The following NCOA7 variants were observed in gnomAD, a reference collection of about 807,000 sequenced individuals.
The protein encoded by NCOA7 is nuclear receptor coactivator 7, also known as 140 kDa estrogen receptor-associated protein.
A neutral mutation model predicts 104.3 loss-of-function variants in NCOA7; 45 were observed. That is an observed-to-expected ratio of 0.43 (90% CI 0.34 to 0.55). The LOEUF is 0.55. Ranked by LOEUF, NCOA7 falls within the 20% of genes least tolerant of loss-of-function variation. NCOA7 has a pLI of 0.02. For missense variants in NCOA7, 1,041 were observed against 1,119.7 expected, an observed-to-expected ratio of 0.93 and a Z score of 1.00; for synonymous variants, 398 against 402.3, an observed-to-expected ratio of 0.99 and a Z score of 0.13.
chr6:125,825,257 C>T (rs959021359), intron 2 of NCOA7, among the ~76,000 whole-genome samples: 5 of 151,560 alleles, frequency 3.3e-5, no homozygotes, highest in Admixed American at 6.6e-5. Flanking sequence ...AAAGATAGCT[C>T]GGGTATTGAA....
chr6:125,792,832 T>G (rs1367870414), intron 1 of NCOA7, among the ~76,000 whole-genome samples: 1 of 152,208 alleles, frequency 6.6e-6, no homozygotes, highest in Non-Finnish European at 1.5e-5. Flanking sequence ...TGCTTTATTT[T>G]TACACTATGA....
intron 2 of NCOA7, among the ~76,000 whole-genome samples, chr6:125,852,079 T>G (rs974249193): frequency 6.6e-6 from 1 of 152,194 alleles, no homozygotes; most frequent in Non-Finnish European, 1.5e-5. Flanking sequence ...TTTGTTGTTG[T>G]TGTGCAGAAG....
intron 10 of NCOA7, among the ~76,000 whole-genome samples, chr6:125,902,820 G>A (rs1369455106): frequency 6.6e-6 from 1 of 152,138 alleles, no homozygotes. Flanking sequence ...CCCCTAAAAT[G>A]CTATGTGACC....
intron 1 of NCOA7, among the ~76,000 whole-genome samples, chr6:125,799,977 G>C (rs1775736195): frequency 6.6e-6 from 1 of 152,156 alleles, no homozygotes; most frequent in Non-Finnish European, 1.5e-5. Context: ...CAGTCTTACA[G>C]ATATTTGCCT....
chr6:125,824,879 C>T (rs1778520975), intron 2 of NCOA7, among the ~76,000 whole-genome samples: 1 of 152,138 alleles, frequency 6.6e-6, no homozygotes, highest in Non-Finnish European at 1.5e-5. Context: ...CTGCCTCAGC[C>T]TCTGGAGTAG....
intron 11 of NCOA7, among the ~76,000 whole-genome samples, chr6:125,919,735 G>A (rs1787406200): frequency 1.3e-5 from 2 of 152,070 alleles, no homozygotes; most frequent in Admixed American, 1.3e-4. Flanking sequence ...ATTCTTGATA[G>A]TGTTTTCACT....
At chr6:125,833,381 G>A (rs1779342763) in intron 2 of NCOA7, among the ~76,000 whole-genome samples, 1 of 152,096 alleles carries the variant, frequency 6.6e-6, no homozygotes, top group Non-Finnish European at 1.5e-5. Flanking sequence ...GAAGTCAGGA[G>A]TTTGAGACCA....
Position 125,821,622 on chromosome 6 carries a change from C to T in NCOA7, c.50+6218C>T, listed in dbSNP as rs1778195064. On this transcript the variant is annotated intron_variant, in intron 2 of 15. Coordinates refer to ENST00000392477, the MANE Select transcript of NCOA7 (RefSeq NM_181782.5). ...CTTTTCAAAAATAATTTGTTTATAA[C>T]TTGACAACATCCCATAATCCATGTC... 2.6e-5 allele frequency among the ~76,000 whole-genome samples: 4 copies of T among 152,274 alleles called. No individual in the cohort carries two copies. The South Asian group carries it at 8.3e-4, about 32-fold the overall frequency.
chr6:125,881,297 A>C, intron 6 of NCOA7, 94 bp downstream of exon 6: 2 of 903,008 alleles, frequency 2.2e-6, no homozygotes, highest in Non-Finnish European at 3.6e-6. Context: ...ATTACATCTG[A>C]AATTCTCCCT....
chr6:125,795,561 T>C (rs1562765641), intron 1 of NCOA7, among the ~76,000 whole-genome samples: 1 of 152,212 alleles, frequency 6.6e-6, no homozygotes, highest in Non-Finnish European at 1.5e-5. Context: ...TCTGATTCAC[T>C]CTGTTCTATT....
At position 125,928,710 on chromosome 6, in the gene NCOA7, A is replaced by C. The variant is rs1788266541; in HGVS notation, c.2768A>C (p.Asp923Ala). 5.0e-6 allele frequency: 8 copies of C among 1,613,590 alleles called. No individual in the cohort carries two copies. Among genetic ancestry groups the C allele is most frequent in the Non-Finnish European group, 6.8e-6 (8 of 1,179,916 alleles). ...RSNSCSTFNN[D>A]ILSKKEDFIV... ...AACTCTTGCAGCACTTTCAATAATG[A>C]TATTCTTTCCAAAAAGGAAGACTTC... Residue 923 changes from aspartate to alanine, a missense_variant, in exon 16 of 16, where the codon GAT becomes GCT. Coordinates refer to ENST00000392477, the MANE Select transcript of NCOA7 (RefSeq NM_181782.5).
chr6:125,793,270 C>T (rs558844534), intron 1 of NCOA7, among the ~76,000 whole-genome samples: 174 of 152,280 alleles, frequency 1.1e-3, no homozygotes, highest in African/African-American at 3.9e-3. Context: ...ATTAATTTAC[C>T]TGGCTCTTCC....
At chr6:125,830,600 G>C (rs911496964) in intron 2 of NCOA7, among the ~76,000 whole-genome samples, 5 of 152,038 alleles carry the variant, frequency 3.3e-5, no homozygotes, top group African/African-American at 7.2e-5. Context: ...CCTAGGGGTT[G>C]GGGTACTGAG....
chr6:125,895,464 G>T (rs1784929544), intron 10 of NCOA7, among the ~76,000 whole-genome samples: 3 of 152,016 alleles, frequency 2.0e-5, no homozygotes, highest in Admixed American at 2.0e-4. Flanking sequence ...AAGGAGATGG[G>T]GAAAAAATCT....
At chr6:125,838,090 C>T (rs1055734281) in intron 2 of NCOA7, among the ~76,000 whole-genome samples, 2 of 152,120 alleles carry the variant, frequency 1.3e-5, no homozygotes, top group Non-Finnish European at 2.9e-5. Context: ...AAAATGAACT[C>T]ATAAAAGGCA....
Position 125,815,274 on chromosome 6 carries a change from G to A in NCOA7, c.-64-17G>A, listed in dbSNP as rs1777482724. 9.4e-7 allele frequency: 1 copy of A among 1,065,532 alleles called. No homozygotes were observed. Among genetic ancestry groups the A allele is most frequent in the African/African-American group, 1.6e-5 (1 of 62,130 alleles). 66.0% of individuals were successfully genotyped at this position (1,065,532 alleles called of 1,614,324 possible). A position where few individuals can be genotyped will look rare whatever the true frequency, so the allele number is the denominator to read the frequency against. On this transcript the variant is annotated splice_polypyrimidine_tract_variant and intron_variant, in intron 1 of 15. Coordinates refer to ENST00000392477, the MANE Select transcript of NCOA7 (RefSeq NM_181782.5). ...AAACTTTTAAGTTTACAGTTGCTTT[G>A]TTATCTTTTCTTACAGGGTTACGAC...
intron 2 of NCOA7, among the ~76,000 whole-genome samples, chr6:125,826,049 A>G (rs1778630537): frequency 6.6e-6 from 1 of 152,152 alleles, no homozygotes; most frequent in African/African-American, 2.4e-5. Context: ...ATTTTGGCTG[A>G]GCGCAGTGGG....
intron 3 of NCOA7, among the ~76,000 whole-genome samples, chr6:125,872,561 A>G (rs1261980025): frequency 6.6e-6 from 1 of 152,216 alleles, no homozygotes; most frequent in Non-Finnish European, 1.5e-5. Flanking sequence ...GGAATGAACA[A>G]CACTTAACCT....
chr6:125,858,740 A>G (rs898567845), intron 3 of NCOA7, among the ~76,000 whole-genome samples: 1 of 152,164 alleles, frequency 6.6e-6, no homozygotes, highest in South Asian at 2.1e-4. Flanking sequence ...CAGTGCTTAG[A>G]TAAAACCTCT....
Sources: gnomAD v4.1 joint callset for allele counts (sites outside exome capture counted in the v4.1 genomes callset) on GRCh38, gnomAD v4.1.1 for gene constraint, MANE v1.5 for transcripts, NCBI Gene and HGNC (gene_info 2026-07-23, HGNC 2026-07-21) for gene names.